ZNF385D: variants seen among roughly 807,000 people sequenced by gnomAD.
ZNF385D encodes zinc finger protein 659.
In ZNF385D, 15 loss-of-function variants were observed where a neutral mutation model predicts 35.8. That is an observed-to-expected ratio of 0.42 (90% CI 0.28 to 0.64). The LOEUF is 0.64. Among genes scored for constraint, ZNF385D ranks in the 30% least tolerant of loss-of-function variants. The probability of loss-of-function intolerance (pLI) is 0.23; values close to 1 mark genes in which losing one functional copy is unlikely to be tolerated. For synonymous variants in ZNF385D, 212 were observed against 186.8 expected (o/e 1.13, Z -1.10); for missense variants, 474 against 494.6 (o/e 0.96, Z 0.39).
intron 3 of ZNF385D, among the ~76,000 whole-genome samples, chr3:22,033,402 A>AAATAATAATAATAATAATAATAAT (rs59555475): frequency 7.2e-6 from 1 of 139,396 alleles, no homozygotes; most frequent in African/African-American, 2.7e-5. Flanking sequence ...GCTGGCTCCA[A>AAATAATAATAATAATAATAATAAT]AATAATAATA....
intron 3 of ZNF385D, among the ~76,000 whole-genome samples, chr3:22,101,872 T>C (rs1325326386): frequency 1.3e-5 from 2 of 151,832 alleles, no homozygotes; most frequent in African/African-American, 4.8e-5. Flanking sequence ...CTGGTACCAA[T>C]GAGTAAGCTA....
At chr3:22,237,196 T>C (rs1157174610) in intron 2 of ZNF385D, among the ~76,000 whole-genome samples, 4 of 3,096 alleles carry the variant, frequency 1.3e-3, no homozygotes, top group African/African-American at 5.3e-3. Flanking sequence ...GTTAATATCC[T>C]TTTTTTTTTA....
At chr3:21,547,464 G>A (rs373922842) in intron 3 of ZNF385D, among the ~76,000 whole-genome samples, 5 of 151,116 alleles carry the variant, frequency 3.3e-5, no homozygotes, top group East Asian at 3.9e-4. Context: ...CAACCAGAGC[G>A]TCTGACGATA....
chr3:21,878,618 G>A (rs956912979), intron 3 of ZNF385D, among the ~76,000 whole-genome samples: 4 of 151,920 alleles, frequency 2.6e-5, no homozygotes, highest in African/African-American at 9.7e-5. Context: ...ATGCTTCCAT[G>A]TTTCCATTGT....
At chr3:21,560,917 C>T (rs1960582) in intron 3 of ZNF385D, among the ~76,000 whole-genome samples, 103,133 of 151,978 alleles carry the variant, frequency 0.68, 35,781 homozygotes, top group African/African-American at 0.84. Flanking sequence ...CCGCTCAGTT[C>T]GATCTTCCTG....
chr3:21,619,463 T>C (rs2064942376), intron 2 of ZNF385D, among the ~76,000 whole-genome samples: 1 of 152,008 alleles, frequency 6.6e-6, no homozygotes, highest in African/African-American at 2.4e-5. Context: ...TATGAGCATG[T>C]ACATATTTAG....
At chr3:22,209,632 T>A (rs1697387613) in intron 2 of ZNF385D, among the ~76,000 whole-genome samples, 1 of 151,904 alleles carries the variant, frequency 6.6e-6, no homozygotes, top group African/African-American at 2.4e-5. Context: ...ATTCATTTCA[T>A]ATGAAATACC....
At chr3:21,751,328 G>C (rs191637163), upstream of ZNF385D, 6 of 1,061,056 alleles carry the variant, frequency 5.7e-6, no homozygotes, top group East Asian at 3.6e-4. Context: ...AAGCTTTGAC[G>C]AGCCCAGAGA....
At chr3:22,119,037 T>A (rs562148686) in intron 3 of ZNF385D, among the ~76,000 whole-genome samples, 1 of 152,110 alleles carries the variant, frequency 6.6e-6, no homozygotes, top group Non-Finnish European at 1.5e-5. Flanking sequence ...TTCTAAAAAA[T>A]TGAATATTAA....
intron 1 of ZNF385D, among the ~76,000 whole-genome samples, chr3:21,678,779 T>A (rs1403243569): frequency 1.3e-5 from 2 of 152,140 alleles, no homozygotes; most frequent in African/African-American, 2.4e-5. Flanking sequence ...TGAATGATTC[T>A]GATCTGTACT....
chr3:21,929,667 C>T (rs1049564178), intron 3 of ZNF385D, among the ~76,000 whole-genome samples: 2 of 151,792 alleles, frequency 1.3e-5, no homozygotes, highest in African/African-American at 4.8e-5. Context: ...TAGAAAGAAA[C>T]ATCTAAAAAT....
chr3:22,079,025 C>G (rs1700608395), intron 3 of ZNF385D, among the ~76,000 whole-genome samples: 1 of 151,750 alleles, frequency 6.6e-6, no homozygotes, highest in Non-Finnish European at 1.5e-5. Context: ...TTTAGAATAA[C>G]CAGAGCTTAC....
chr3:21,824,070 C>T (rs11928303), intron 3 of ZNF385D, among the ~76,000 whole-genome samples: 236 of 152,232 alleles, frequency 1.6e-3, no homozygotes, highest in African/African-American at 5.1e-3. Flanking sequence ...AACAGTTCCC[C>T]AAACACATTA....
At chr3:21,921,245 A>G (rs966854695) in intron 3 of ZNF385D, among the ~76,000 whole-genome samples, 24 of 148,986 alleles carry the variant, frequency 1.6e-4, no homozygotes, top group Non-Finnish European at 3.4e-4. Context: ...AAAAAAAAAT[A>G]CTGAAGAACG....
intron 3 of ZNF385D, among the ~76,000 whole-genome samples, chr3:22,099,526 T>A (rs566890578): frequency 6.6e-6 from 1 of 152,106 alleles, no homozygotes; most frequent in African/African-American, 2.4e-5. Context: ...CCAGAGAGAA[T>A]GGGATTTGTA....
intron 2 of ZNF385D, among the ~76,000 whole-genome samples, chr3:22,296,207 T>C (rs370858671): frequency 1.3e-4 from 20 of 152,198 alleles, no homozygotes; most frequent in Non-Finnish European, 2.6e-4. Flanking sequence ...TCAAAACTTA[T>C]GGGCCTTAAA....
chr3:21,937,268 A>G (rs1203304586), intron 3 of ZNF385D, among the ~76,000 whole-genome samples: 2 of 152,186 alleles, frequency 1.3e-5, no homozygotes, highest in Non-Finnish European at 2.9e-5. Context: ...TCTGTGATCC[A>G]GAACATCTTC....
intron 4 of ZNF385D, among the ~76,000 whole-genome samples, chr3:21,450,179 G>A (rs1702373533): frequency 1.3e-5 from 2 of 152,180 alleles, no homozygotes; most frequent in African/African-American, 2.4e-5. Context: ...TGCACCTCCA[G>A]AGGAGAGGAG....
chr3:22,263,216 C>T (rs923721279), intron 2 of ZNF385D, among the ~76,000 whole-genome samples: 10 of 151,972 alleles, frequency 6.6e-5, no homozygotes, highest in Non-Finnish European at 1.3e-4. Context: ...CCTGCAATGA[C>T]GTACTGTGCC....
Sources: allele counts gnomAD v4.1 joint callset (sites outside exome capture counted in the v4.1 genomes callset), GRCh38; gene constraint gnomAD v4.1.1; transcripts MANE v1.5; gene names NCBI Gene and HGNC (gene_info 2026-07-23, HGNC 2026-07-21).